Variants in ANAPC4 observed in about 807,000 individuals in gnomAD.
The protein encoded by ANAPC4 is anaphase-promoting complex subunit 4.
Under a neutral mutation model 119.8 loss-of-function variants are expected in ANAPC4, and 63 were observed. That is an observed-to-expected ratio of 0.53 (90% CI 0.43 to 0.65). The LOEUF is 0.65. Among genes scored for constraint, ANAPC4 ranks in the 30% least tolerant of loss-of-function variants. The probability of loss-of-function intolerance (pLI) is 0.00; values close to 1 mark genes in which losing one functional copy is unlikely to be tolerated. For missense variants in ANAPC4, 716 were observed against 945.1 expected (o/e 0.76, Z 3.18); for synonymous variants, 283 against 318.6 (o/e 0.89, Z 1.19).
intron 17 of ANAPC4, 82 bp downstream of exon 17, chr4:25,403,108 C>G: frequency 9.4e-7 from 1 of 1,060,588 alleles, no homozygotes; most frequent in South Asian, 1.5e-5. Context: ...TTCAATAAAT[C>G]TAGTACAATT....
At chr4:25,384,582 C>T (rs567091940) in intron 4 of ANAPC4, among the ~76,000 whole-genome samples, 5 of 152,260 alleles carry the variant, frequency 3.3e-5, no homozygotes, top group Admixed American at 2.6e-4. Context: ...AATCCCAGCA[C>T]TTTGGGAGGC....
At chr4:25,403,140 T>C in intron 17 of ANAPC4, 114 bp downstream of exon 17, 8 of 798,608 alleles carry the variant, frequency 1.0e-5, no homozygotes, top group Non-Finnish European at 1.3e-5. Flanking sequence ...GAGAGAACTA[T>C]ATAATGATCC....
chr4:25,411,820 G>T (rs139983156), intron 21 of ANAPC4, among the ~76,000 whole-genome samples: 2 of 152,292 alleles, frequency 1.3e-5, no homozygotes, highest in African/African-American at 4.8e-5. Context: ...CAGTGTTTCT[G>T]ACAACAAAAT....
chr4:25,380,816 G>A (rs538873942), intron 3 of ANAPC4, among the ~76,000 whole-genome samples: 1 of 152,286 alleles, frequency 6.6e-6, no homozygotes, highest in South Asian at 2.1e-4. Flanking sequence ...CTTGCCACTC[G>A]CCAGTGAGTT....
intron 5 of ANAPC4, 63 bp downstream of exon 5, chr4:25,388,637 CTG>C (rs1722170401): frequency 4.5e-6 from 7 of 1,556,418 alleles, no homozygotes; most frequent in Middle Eastern, 1.7e-4. Flanking sequence ...GCTTTTAACA[CTG>C]TGACAATTTT....
intron 7 of ANAPC4, among the ~76,000 whole-genome samples, 163 bp from the exon 8 acceptor site, chr4:25,389,972 TG>T (rs1210912416): frequency 6.6e-6 from 1 of 152,228 alleles, no homozygotes; most frequent in Non-Finnish European, 1.5e-5. Context: ...GAGCCTGATG[TG>T]ACTGAATATT....
chr4:25,414,398 A>T lies in ANAPC4; in HGVS notation c.1685+13A>T, dbSNP rs750379462. 33 of 1,602,726 alleles carry T rather than the reference A, an allele frequency of 2.1e-5. 1 individual carries two copies. The South Asian group carries it at 3.5e-4, about 17-fold the overall frequency. On this transcript the variant is annotated intron_variant, in intron 23 of 28. Transcript: ENST00000315368. Reference sequence around the variant, plus strand: ...GAGATACCAGAAGGTAATTCTGTTTACCTATTGGATGGTGTAATTCCGCAG... The same window carrying T: ...GAGATACCAGAAGGTAATTCTGTTTTCCTATTGGATGGTGTAATTCCGCAG...
rs149135953 is a variant in ANAPC4 at position 25,381,535 on chromosome 4, C to T, written c.235+1056C>T. On this transcript the variant is annotated intron_variant, in intron 3 of 28. Coordinates refer to ENST00000315368, the MANE Select transcript of ANAPC4 (RefSeq NM_013367.3). ...CTGTGTTGGCCAGGCTGGTCTCGAA[C>T]GCCTGGCCTCAAGTGATTCGCCTAC... 5.4e-3 allele frequency among the ~76,000 whole-genome samples: 817 copies of T among 152,198 alleles called. 7 individuals are homozygous for T. Among genetic ancestry groups the T allele is most frequent in the Middle Eastern group, 0.024 (7 of 294 alleles).
At chr4:25,377,684 C>G (rs912966565) in intron 2 of ANAPC4, 128 bp downstream of exon 2, 44 of 1,356,248 alleles carry the variant, frequency 3.2e-5, no homozygotes, top group Non-Finnish European at 4.1e-5. Flanking sequence ...GCAGACATGG[C>G]TGGCCACCTG....
Position 25,386,474 on chromosome 4 carries a change from C to T in ANAPC4, c.369-2026C>T, listed in dbSNP as rs541054009. 3.3e-4 allele frequency among the ~76,000 whole-genome samples: 50 copies of T among 152,238 alleles called. No individual in the cohort carries two copies. The South Asian group carries it at 0.01, about 32-fold the overall frequency. On this transcript the variant is annotated intron_variant, in intron 4 of 28. Transcript: ENST00000315368. ...ATTTGCCCTCCTCGGCCTCCCAAAG[C>T]TCTGGGATTATAGACGTGAGCCACC...
At chr4:25,377,577 C>T (rs1301019520) in intron 2 of ANAPC4, 21 bp downstream of exon 2, 2 of 1,592,844 alleles carry the variant, frequency 1.3e-6, no homozygotes, top group Non-Finnish European at 1.7e-6. Context: ...CGGCGGGAGC[C>T]CGCCTGTGCT....
rs3756202 is a variant in ANAPC4, at chr4:25,405,734, A to G, written c.1317+115A>G. 0.17 allele frequency: 166,737 copies of G among 979,228 alleles called. 14,578 individuals are homozygous for G. The highest frequency in any genetic ancestry group is 0.22 in the African/African-American group (13,837 of 61,858). The allele number at this position is 979,228 out of a possible 1,614,324, so 60.7% of individuals were successfully genotyped here. On this transcript the variant is annotated intron_variant, in intron 18 of 28. Coordinates refer to ENST00000315368, the MANE Select transcript of ANAPC4 (RefSeq NM_013367.3). The surrounding 1 kb of genome is among the most constrained non-coding windows in gnomAD (Gnocchi z 4.6). Reference sequence around the variant, plus strand: ...TAGTTAACAGGATGTCAGGATGTAGACGTTAGATCCCTTAAGCACCACCTT... The same window carrying G: ...TAGTTAACAGGATGTCAGGATGTAGGCGTTAGATCCCTTAAGCACCACCTT...
Position 25,403,012 on chromosome 4 carries a change from G to A in ANAPC4, c.1256G>A (p.Arg419Gln), listed in dbSNP as rs141506541. Residue 419 changes from arginine (R) to glutamine (Q), a missense_variant, in exon 17 of 29, where the codon CGG becomes CAG. Physicochemically the swap from Arg to Gln is conservative, Grantham distance 43. Coordinates refer to ENST00000315368, the MANE Select transcript of ANAPC4 (RefSeq NM_013367.3). ...SSMKNFKAFF[R>Q]WLYVAMLRMT... ...ATGAAAAACTTCAAAGCATTTTTTC[G>A]GTGGCTTTATGTGGGTAAGTTAATT... 7 of 1,600,192 alleles carry A rather than the reference G, an allele frequency of 4.4e-6. No individual in the cohort carries two copies. Among genetic ancestry groups the A allele is most frequent in the African/African-American group, 2.7e-5 (2 of 74,130 alleles).
intron 22 of ANAPC4, 167 bp downstream of exon 22, chr4:25,413,909 C>T (rs1723714101): frequency 1.7e-6 from 1 of 579,508 alleles, no homozygotes; most frequent in South Asian, 2.6e-5. Flanking sequence ...ACCTAATACT[C>T]CAACTTAAGT....
At position 25,394,718 on chromosome 4, in the gene ANAPC4, A is replaced by G; in HGVS notation, c.984+5A>G. ...ATGAATCAGTTAACAGTAAAGGTGC[A>G]GTTAATGTATCTATGTATTCAAATG... On this transcript the variant is annotated splice_donor_5th_base_variant and intron_variant, in intron 13 of 28. Transcript: ENST00000315368. 6.2e-7 allele frequency: 1 copy of G among 1,605,014 alleles called. No individual in the cohort carries two copies. The highest frequency in any genetic ancestry group is 8.5e-7 in the Non-Finnish European group (1 of 1,177,518).
At chr4:25,384,212 C>T (rs558026716) in intron 4 of ANAPC4, among the ~76,000 whole-genome samples, 33 of 152,296 alleles carry the variant, frequency 2.2e-4, no homozygotes, top group Middle Eastern at 3.4e-3. Context: ...GTTCAAGTTT[C>T]GTCATGAGAT....
chr4:25,389,695 A>G (rs1315044389), intron 7 of ANAPC4, among the ~76,000 whole-genome samples: 1 of 152,198 alleles, frequency 6.6e-6, no homozygotes, highest in Non-Finnish European at 1.5e-5. Flanking sequence ...TAATAATATG[A>G]TGTACATATG....
In ANAPC4 at chr4:25,403,514, C is replaced by T. The variant is rs145595447; in HGVS notation, c.1270+488C>T. The stretch of plus-strand genomic sequence containing the variant: ...AAAAAATTTTTGTAAGTATCAGGCA[C>T]TGTTAGGTGCTAGATTTTAAAAGTA... On this transcript the variant is annotated intron_variant, in intron 17 of 28. Coordinates refer to ENST00000315368, the MANE Select transcript of ANAPC4 (RefSeq NM_013367.3). Among the ~76,000 whole-genome samples the T allele has an allele frequency of 9.6e-4, 146 of 151,968 alleles. 3 individuals carry two copies. The East Asian group carries it at 0.026, about 28-fold the overall frequency.
intron 7 of ANAPC4, among the ~76,000 whole-genome samples, chr4:25,389,159 A>G (rs10020325): frequency 0.058 from 7,676 of 132,162 alleles, 267 homozygotes; most frequent in South Asian, 0.15. Context: ...CACCCAGCTA[A>G]TTTTTTTTTT....
Sources: gnomAD v4.1 joint callset for allele counts (sites outside exome capture counted in the v4.1 genomes callset) on GRCh38, gnomAD v4.1.1 for gene constraint, Gnocchi (gnomAD v3.1) non-coding constraint, MANE v1.5 for transcripts, NCBI Gene and HGNC (gene_info 2026-07-23, HGNC 2026-07-21) for gene names.